Variants in CC2D1B observed in about 807,000 individuals in gnomAD.
CC2D1B encodes the protein coiled-coil and C2 domain containing 1B.
Under a neutral mutation model 110.8 loss-of-function variants are expected in CC2D1B, and 92 were observed. The ratio of observed to expected loss-of-function variants is 0.83; its 90% CI spans 0.70 to 0.99. CC2D1B has a LOEUF of 0.99. Among genes scored for constraint, CC2D1B ranks in the 50% least tolerant of loss-of-function variants. The pLI is 0.00. For missense variants in CC2D1B, 1,136 were observed against 1,089.0 expected (o/e 1.04, Z -0.61); for synonymous variants, 406 against 429.2 (o/e 0.95, Z 0.67).
rs1419219807 is a variant in CC2D1B at position 52,352,328 on chromosome 1, A to G, written c.*897T>C. On this transcript the variant is annotated 3_prime_UTR_variant, in exon 25 of 25. Transcript: ENST00000284376. Reference sequence around the variant, plus strand: ...GAAAAAAACTAAGGAAGTTCCCCACATAACCAGCCGAAGAGGAAAGGCTTT... The same window carrying G: ...GAAAAAAACTAAGGAAGTTCCCCACGTAACCAGCCGAAGAGGAAAGGCTTT... 4 of 152,650 alleles carry G rather than the reference A, an allele frequency of 2.6e-5. No homozygotes were observed. The highest frequency in any genetic ancestry group is 5.9e-5 in the Non-Finnish European group (4 of 68,044). 9.5% of individuals were successfully genotyped at this position (152,650 alleles called of 1,614,324 possible). A position where few individuals can be genotyped will look rare whatever the true frequency, so the allele number is the denominator to read the frequency against.
At position 52,358,844 on chromosome 1, in the gene CC2D1B, G is replaced by C. The variant is rs1569851183; in HGVS notation, c.1258-86C>G. Reference sequence around the variant, plus strand: ...CATGACACACAGTGGGGCAAGGAGAGGGAGACTGGTGGGAAGACAGCAGCC... The same window carrying C: ...CATGACACACAGTGGGGCAAGGAGACGGAGACTGGTGGGAAGACAGCAGCC... On this transcript the variant is annotated intron_variant, in intron 11 of 24. Transcript: ENST00000284376. 56 of 1,469,204 alleles carry C rather than the reference G, an allele frequency of 3.8e-5. 1 individual carries two copies. The East Asian group carries it at 1.3e-3, about 33-fold the overall frequency. The allele number at this position is 1,469,204 out of a possible 1,614,324, so 91.0% of individuals were successfully genotyped here.
chr1:52,354,004 CTATG>C, intron 23 of CC2D1B: 1 of 283,550 alleles, frequency 3.5e-6, no homozygotes, highest in South Asian at 4.2e-5. Flanking sequence ...GCAGATGACT[CTATG>C]TGGCAGAGTC....
chr1:52,354,789 G>A (rs375103060), intron 22 of CC2D1B, 51 bp downstream of exon 22: 40 of 1,599,098 alleles, frequency 2.5e-5, no homozygotes, highest in African/African-American at 2.4e-4. Flanking sequence ...AGTGACAAAC[G>A]CTCTTCCCTC....
rs563430328 is a variant in CC2D1B, at chr1:52,353,116, T to C, written c.*109A>G. The C allele has an allele frequency of 3.9e-4, 443 of 1,142,020 alleles. 1 individual carries two copies. Among genetic ancestry groups the C allele is most frequent in the Middle Eastern group, 3.2e-3 (14 of 4,402 alleles). The allele number at this position is 1,142,020 out of a possible 1,614,324, so 70.7% of individuals were successfully genotyped here. The stretch of plus-strand genomic sequence containing the variant: ...CACATGCTTAACAGGTCTTTGGTGC[T>C]TGGGTAGCAGCATCTCTTATGTACA... On this transcript the variant is annotated 3_prime_UTR_variant, in exon 25 of 25. Transcript: ENST00000284376.
intron 3 of CC2D1B, 58 bp from the exon 4 acceptor site, chr1:52,361,674 A>C (rs1373517927): frequency 6.2e-7 from 1 of 1,602,530 alleles, no homozygotes; most frequent in Non-Finnish European, 8.5e-7. Flanking sequence ...GGGATGAGTA[A>C]AGGAGGGGCT....
rs1646699611 is a variant in CC2D1B at position 52,358,345 on chromosome 1, T to C, written c.1447A>G (p.Lys483Glu). Residue 483 changes from lysine (K) to glutamate (E), a missense_variant, in exon 13 of 25, where the codon AAA becomes GAA. By Grantham distance (56) the Lys-to-Glu change is moderately conservative. Transcript: ENST00000284376. ...ASAEDSAPADKDEDEGEPPAQ... is the reference protein window; with the variant it reads ...ASAEDSAPADEDEDEGEPPAQ... ...CTCAACCAAACCTCGTCCTCGTCTT[T>C]ATCAGCCGGGGCTGAATCCTCTGCA... 2 of 1,614,032 alleles carry C rather than the reference T, an allele frequency of 1.2e-6. No homozygotes were observed. Among genetic ancestry groups the C allele is most frequent in the East Asian group, 2.2e-5 (1 of 44,876 alleles).
At position 52,357,510 on chromosome 1, in the gene CC2D1B, AC is replaced by A. The variant is rs746964472; in HGVS notation, c.1752+15del. The A allele has an allele frequency of 4.2e-5, 66 of 1,559,568 alleles. No individual in the cohort carries two copies. The highest frequency in any genetic ancestry group is 5.7e-5 in the Non-Finnish European group (66 of 1,149,698). On this transcript the variant is annotated intron_variant, in intron 15 of 24. Coordinates refer to ENST00000284376, the MANE Select transcript of CC2D1B (RefSeq NM_001330585.2). ...TCCGCCTGAGAAGTCCTGGTGGTTA[AC>A]CAGGTGGGACTCACCTTGGACAGAT...
In CC2D1B at chr1:52,359,457, A is replaced by G. The variant is rs1410297011; in HGVS notation, c.1018+2T>C. On this transcript the variant is annotated splice_donor_variant, in intron 9 of 24. Coordinates refer to ENST00000284376, the MANE Select transcript of CC2D1B (RefSeq NM_001330585.2). LOFTEE classifies it high-confidence loss of function. ...CCGCAGCCTGAGAAGATACATACTG[A>G]CCCTCAGGTGCCGGGGGCATGGCAC... 6.2e-7 allele frequency: 1 copy of G among 1,613,804 alleles called. No homozygotes were observed. Among genetic ancestry groups the G allele is most frequent in the East Asian group, 2.2e-5 (1 of 44,852 alleles).
At chr1:52,356,865 C>T in intron 16 of CC2D1B, 136 bp downstream of exon 16, 1 of 1,055,252 alleles carries the variant, frequency 9.5e-7, no homozygotes. Context: ...AAGAAAGTGC[C>T]TTGCCCAAGT....
chr1:52,357,070 G>T lies in CC2D1B; in HGVS notation c.1809C>A (p.Asp603Glu), dbSNP rs1256177575. ...EGDFILIHHE[D>E]LRLSQKAEEV... is the part of the protein sequence containing the mutation. Reference sequence around the variant, plus strand: ...CCTCCGCCTTCTGGGAGAGTCGCAGGTCCTCATGGTGGATGAGGATGAAGT... The same window carrying T: ...CCTCCGCCTTCTGGGAGAGTCGCAGTTCCTCATGGTGGATGAGGATGAAGT... Residue 603 changes from aspartate to glutamate, a missense_variant, in exon 16 of 25, where the codon GAC (aspartate) becomes GAA (glutamate). Asp to Glu is a conservative substitution (Grantham distance 45, BLOSUM62 2). Coordinates refer to ENST00000284376, the MANE Select transcript of CC2D1B (RefSeq NM_001330585.2). 6.2e-7 allele frequency: 1 copy of T among 1,611,230 alleles called. No homozygotes were observed. Among genetic ancestry groups the T allele is most frequent in the Non-Finnish European group, 8.5e-7 (1 of 1,178,870 alleles).
intron 2 of CC2D1B, 54 bp downstream of exon 2, chr1:52,364,498 T>C: frequency 2.3e-6 from 3 of 1,276,936 alleles, no homozygotes; most frequent in Non-Finnish European, 3.3e-6. Context: ...CTAAGTTGTC[T>C]AGGGACCCCC....
rs1408866279 is a variant in CC2D1B, at chr1:52,355,511, A to G, written c.2188-62T>C. On this transcript the variant is annotated intron_variant, in intron 20 of 24. Transcript: ENST00000284376. The stretch of plus-strand genomic sequence containing the variant: ...AAACAAAGAGGCACACAGGGCAGGC[A>G]CTGCAGCCACACCTCCCAGGGATGG... The G allele has an allele frequency of 3.7e-6, 6 of 1,607,108 alleles. No homozygotes were observed. In the East Asian group the frequency reaches 8.9e-5, roughly 24 times the overall value.
chr1:52,354,597 C>T lies in CC2D1B; in HGVS notation c.2430+11G>A. Reference sequence around the variant, plus strand: ...CCAACCCCTTTGGCTTGCCCACACCCCAGCCCCTACCTCCACAATTTCTCT... The same window carrying T: ...CCAACCCCTTTGGCTTGCCCACACCTCAGCCCCTACCTCCACAATTTCTCT... On this transcript the variant is annotated intron_variant, in intron 23 of 24. Transcript: ENST00000284376. 16 of 1,613,618 alleles carry T rather than the reference C, an allele frequency of 9.9e-6. No individual in the cohort carries two copies. The highest frequency in any genetic ancestry group is 1.4e-5 in the Non-Finnish European group (16 of 1,179,506).
intron 4 of CC2D1B, 44 bp from the exon 5 acceptor site, chr1:52,361,176 C>A (rs1457786178): frequency 6.2e-7 from 1 of 1,609,842 alleles, no homozygotes; most frequent in East Asian, 2.2e-5. Flanking sequence ...GGCCTCAAGA[C>A]CATACCCACA....
At position 52,354,830 on chromosome 1, in the gene CC2D1B, G is replaced by A; in HGVS notation, c.2339+10C>T. On this transcript the variant is annotated intron_variant, in intron 22 of 24. Coordinates refer to ENST00000284376, the MANE Select transcript of CC2D1B (RefSeq NM_001330585.2). ...GGCCCGTGTGGCAGCATGACCGATA[G>A]GAGCCTCACCCTTTGTGGAAGATCT... The A allele has an allele frequency of 3.7e-6, 6 of 1,613,312 alleles. No homozygotes were observed. Among genetic ancestry groups the A allele is most frequent in the African/African-American group, 1.3e-5 (1 of 75,046 alleles).
rs780019223 is a variant in CC2D1B at position 52,353,196 on chromosome 1, T to C, written c.*29A>G. Reference sequence around the variant, plus strand: ...AGTCATCTCCTGCACAGTCGCGGCCTGACTCCTCTCCTGGTGCTGGCCATC... The same window carrying C: ...AGTCATCTCCTGCACAGTCGCGGCCCGACTCCTCTCCTGGTGCTGGCCATC... On this transcript the variant is annotated 3_prime_UTR_variant, in exon 25 of 25. Transcript: ENST00000284376. 3 of 1,337,772 alleles carry C rather than the reference T, an allele frequency of 2.2e-6. No homozygotes were observed. In the South Asian group the frequency reaches 3.7e-5, roughly 16 times the overall value. 82.9% of individuals were successfully genotyped at this position (1,337,772 alleles called of 1,614,324 possible).
intron 3 of CC2D1B, among the ~76,000 whole-genome samples, chr1:52,361,940 C>T (rs986669413): frequency 2.6e-5 from 4 of 152,244 alleles, no homozygotes; most frequent in Non-Finnish European, 5.9e-5. Context: ...AACAGAGCTT[C>T]AAAACAAATC....
intron 5 of CC2D1B, 66 bp from the exon 6 acceptor site, chr1:52,360,615 C>A (rs142969121): frequency 6.4e-7 from 1 of 1,565,354 alleles, no homozygotes; most frequent in Non-Finnish European, 8.6e-7. Context: ...TCTCCCTCTG[C>A]GGAAGCTGCC....
intron 2 of CC2D1B, among the ~76,000 whole-genome samples, chr1:52,363,158 G>C (rs1337592338): frequency 6.6e-6 from 1 of 152,142 alleles, no homozygotes; most frequent in African/African-American, 2.4e-5. Context: ...ACTTTGGGAG[G>C]CCGAGGCGGG....
Sources: gnomAD v4.1 joint callset for allele counts (sites outside exome capture counted in the v4.1 genomes callset) on GRCh38, gnomAD v4.1.1 for gene constraint, MANE v1.5 for transcripts, NCBI Gene and HGNC (gene_info 2026-07-23, HGNC 2026-07-21) for gene names.